DPP6: variants seen among roughly 807,000 people sequenced by gnomAD.
DPP6 encodes the protein A-type potassium channel modulatory protein DPP6.
A neutral mutation model predicts 122.6 loss-of-function variants in DPP6; 69 were observed. That is an observed-to-expected ratio of 0.56 (90% confidence interval 0.46 to 0.69). The LOEUF (loss-of-function observed/expected upper bound fraction) is 0.69, where lower values mean the gene tolerates loss of function less well. Among genes scored for constraint, DPP6 ranks in the 30% least tolerant of loss-of-function variants. The pLI is 0.00. For synonymous variants in DPP6, 418 were observed against 433.1 expected (o/e 0.97, Z 0.43); for missense variants, 928 against 1,116.9 (o/e 0.83, Z 2.41).
chr7:154,662,300 G>A (rs1268850046), intron 6 of DPP6, among the ~76,000 whole-genome samples: 3 of 150,980 alleles, frequency 2.0e-5, no homozygotes, highest in Non-Finnish European at 4.4e-5. Context: ...TGGCGCTAGT[G>A]TTCATATAGT....
In DPP6 at chr7:153,972,108, A is replaced by G. The variant is rs2531088; in HGVS notation, c.51+84374A>G. 8.5e-3 allele frequency among the ~76,000 whole-genome samples: 1,244 copies of G among 146,932 alleles called. 13 individuals are homozygous for G. Among genetic ancestry groups the G allele is most frequent in the South Asian group, 0.014 (62 of 4,580 alleles). On this transcript the variant is annotated intron_variant, in intron 1 of 25. Coordinates refer to the DPP6 transcript ENST00000404039. ...CCCTGTTATTCCTTTATGCTGAGAA[A>G]CAGAAATCTGTAGGTTTACTATCAC... is the stretch of plus-strand genomic sequence containing the variant.
intron 2 of DPP6, among the ~76,000 whole-genome samples, chr7:154,468,692 C>G (rs930060813): frequency 3.3e-5 from 5 of 152,134 alleles, no homozygotes; most frequent in African/African-American, 1.2e-4. Flanking sequence ...GATTTAGAAG[C>G]TTAAAATAAA....
At chr7:153,945,185 C>CT (rs1219418409) in intron 1 of DPP6, among the ~76,000 whole-genome samples, 1 of 152,154 alleles carries the variant, frequency 6.6e-6, no homozygotes, top group African/African-American at 2.4e-5. Context: ...TTTTAGAATG[C>CT]TGCCTGGCTT....
chr7:154,407,768 A>G (rs1410141149), intron 1 of DPP6, among the ~76,000 whole-genome samples: 1 of 152,182 alleles, frequency 6.6e-6, no homozygotes, highest in Non-Finnish European at 1.5e-5. Context: ...CCAGGCTGCC[A>G]TGGTTCTCAG....
At chr7:154,443,432 G>T (rs1268968859) in intron 1 of DPP6, among the ~76,000 whole-genome samples, 2 of 152,200 alleles carry the variant, frequency 1.3e-5, no homozygotes, top group African/African-American at 4.8e-5. Context: ...TGTATTCAAG[G>T]TTCTCAAAAC....
intron 1 of DPP6, among the ~76,000 whole-genome samples, chr7:154,347,548 A>T (rs1810501353): frequency 6.6e-6 from 1 of 152,248 alleles, no homozygotes; most frequent in African/African-American, 2.4e-5. Flanking sequence ...TAAAGGGAAA[A>T]CTAAATTTAC....
At chr7:153,776,244 T>C in the DPP6 span, among the ~76,000 whole-genome samples, 1 of 152,128 alleles carries the variant, frequency 6.6e-6, no homozygotes, top group Non-Finnish European at 1.5e-5. Flanking sequence ...CACACCCAAA[T>C]CTCATCTTGA....
At chr7:154,126,522 C>T (rs1807898441) in intron 1 of DPP6, among the ~76,000 whole-genome samples, 1 of 151,388 alleles carries the variant, frequency 6.6e-6, no homozygotes, top group Non-Finnish European at 1.5e-5. Flanking sequence ...AGGAGCCTGC[C>T]CTCTTGGTAG....
intron 1 of DPP6, among the ~76,000 whole-genome samples, chr7:154,378,796 A>G (rs1813341922): frequency 6.6e-6 from 1 of 152,240 alleles, no homozygotes. Flanking sequence ...GGAAACTTAC[A>G]ATCAAGGCAG....
chr7:154,661,596 G>A (rs59815389), intron 6 of DPP6, among the ~76,000 whole-genome samples: 19 of 101,124 alleles, frequency 1.9e-4, no homozygotes, highest in South Asian at 3.7e-4. Context: ...TGGCCGTAGT[G>A]TTCATATAGT....
rs1840817758 is a variant in DPP6 at position 154,706,154 on chromosome 7, T to C, written c.763-21613T>C. Among the ~76,000 whole-genome samples, 4 of 152,146 alleles carry C rather than the reference T, an allele frequency of 2.6e-5. No individual in the cohort carries two copies. The South Asian group carries it at 8.3e-4, about 32-fold the overall frequency. On this transcript the variant is annotated intron_variant, in intron 7 of 25. Transcript: ENST00000377770. ...AAAGCATGGAGTCAGGAGTGTAACTTCTAGGATCCTGCGTCCCCTGCCACT... is the reference window on the plus strand; with the variant it reads ...AAAGCATGGAGTCAGGAGTGTAACTCCTAGGATCCTGCGTCCCCTGCCACT...
At chr7:154,053,087 G>T (rs570642463) in intron 1 of DPP6, 24 bp downstream of exon 1, 2 of 1,069,918 alleles carry the variant, frequency 1.9e-6, no homozygotes, top group East Asian at 5.6e-5. Flanking sequence ...GGGGGCGGGG[G>T]GCGGCGGCGG....
At chr7:154,668,376 G>A (rs1188568120) in intron 6 of DPP6, among the ~76,000 whole-genome samples, 10 of 150,200 alleles carry the variant, frequency 6.7e-5, no homozygotes, top group African/African-American at 9.8e-5. Flanking sequence ...ACCCGCCACC[G>A]CGCCCGACTA....
At position 154,134,040 on chromosome 7, in the gene DPP6, G is replaced by A. The variant is rs1357115308; in HGVS notation, c.243+80977G>A. ...GCTGCAGGTTCAAAAGGCTAATTTG[G>A]TTTTCCACTGTGCACAGGGCTGCCA... On this transcript the variant is annotated intron_variant, in intron 1 of 25. Transcript: ENST00000377770. Among the ~76,000 whole-genome samples the A allele has an allele frequency of 2.0e-5, 3 of 151,792 alleles. No individual in the cohort carries two copies. The East Asian group carries it at 5.8e-4, about 29-fold the overall frequency.
In DPP6 at chr7:154,388,360, G is replaced by A. The variant is rs564686012; in HGVS notation, c.244-57854G>A. Among the ~76,000 whole-genome samples, 18 of 152,304 alleles carry A rather than the reference G, an allele frequency of 1.2e-4. No homozygotes were observed. The South Asian group carries it at 3.7e-3, about 32-fold the overall frequency. On this transcript the variant is annotated intron_variant, in intron 1 of 25. Transcript: ENST00000377770. ...AAACAATTATCTAAACATTGTTTAT[G>A]TTCTTTTGAGACTTTGAAGACATTG...
chr7:154,009,411 A>C (rs1471830110), intron 1 of DPP6, among the ~76,000 whole-genome samples: 21 of 128,988 alleles, frequency 1.6e-4, no homozygotes, highest in Non-Finnish European at 3.0e-4. Context: ...GTGACCTTTG[A>C]AGATTGAGGT....
At chr7:153,986,254 T>C (rs1210793028) in intron 1 of DPP6, among the ~76,000 whole-genome samples, 2 of 152,216 alleles carry the variant, frequency 1.3e-5, no homozygotes, top group African/African-American at 2.4e-5. Context: ...TTTTAACACA[T>C]TTCATGCCAT....
upstream of DPP6, among the ~76,000 whole-genome samples, chr7:153,883,218 T>C (rs749110741): frequency 6.6e-6 from 1 of 152,134 alleles, no homozygotes; most frequent in Non-Finnish European, 1.5e-5. Context: ...GAAAAAGTCA[T>C]TTTGAGGATG....
At chr7:154,259,657 G>T (rs995704842) in intron 1 of DPP6, among the ~76,000 whole-genome samples, 1 of 152,160 alleles carries the variant, frequency 6.6e-6, no homozygotes, top group Non-Finnish European at 1.5e-5. Context: ...TGCAAAGGAG[G>T]TGTTTTTTAA....
Sources: allele counts gnomAD v4.1 joint callset (sites outside exome capture counted in the v4.1 genomes callset), GRCh38; gene constraint gnomAD v4.1.1; transcripts MANE v1.5; gene names NCBI Gene and HGNC (gene_info 2026-07-23, HGNC 2026-07-21).